POLR1D: variants seen among roughly 807,000 people sequenced by gnomAD.
POLR1D encodes DNA-directed RNA polymerases I and III subunit RPAC2.
In POLR1D, 8 loss-of-function variants were observed where a neutral mutation model predicts 10.8. The observed-to-expected ratio is 0.74, with a 90% CI of 0.43 to 1.33. The LOEUF (loss-of-function observed/expected upper bound fraction) is 1.33, where lower values mean the gene tolerates loss of function less well. Among genes scored for constraint, POLR1D ranks in the 40% most tolerant of loss-of-function variants. The probability of loss-of-function intolerance (pLI) is 0.01; values close to 1 mark genes in which losing one functional copy is unlikely to be tolerated. For missense variants in POLR1D, 152 were observed against 161.7 expected, an observed-to-expected ratio of 0.94 and a Z score of 0.32; for synonymous variants, 54 against 57.2, an observed-to-expected ratio of 0.94 and a Z score of 0.25.
intron 1 of POLR1D, among the ~76,000 whole-genome samples, chr13:27,642,291 C>G (rs1205847644): frequency 6.6e-6 from 1 of 152,130 alleles, no homozygotes; most frequent in Non-Finnish European, 1.5e-5. Flanking sequence ...TATTCCAGCT[C>G]TGCCTCATTC....
downstream of POLR1D, among the ~76,000 whole-genome samples, chr13:27,627,746 T>TC (rs1566142750): frequency 3.7e-5 from 5 of 135,306 alleles, no homozygotes; most frequent in Non-Finnish European, 8.1e-5. Flanking sequence ...TTTTTTTTTT[T>TC]TTTTGTCCCA....
intron 1 of POLR1D, chr13:27,648,081 G>A (rs1386581924): frequency 7.7e-6 from 2 of 261,166 alleles, no homozygotes; most frequent in African/African-American, 2.3e-5. Flanking sequence ...ATGTCTTTTG[G>A]TTATTCAAAT....
chr13:27,650,429 G>A (rs1293267076), intron 2 of POLR1D: 6 of 190,852 alleles, frequency 3.1e-5, no homozygotes, highest in Non-Finnish European at 6.4e-5. Flanking sequence ...TTTCCAGGTT[G>A]ACTGATACCA....
chr13:27,632,051 C>T (rs1027067224), intron 1 of POLR1D, among the ~76,000 whole-genome samples: 2 of 152,150 alleles, frequency 1.3e-5, no homozygotes, highest in African/African-American at 4.8e-5. Context: ...GGTGGTTATG[C>T]TTTATATTCT....
At chr13:27,664,890 A>G (rs1956399883) in intron 2 of POLR1D, 2 of 152,268 alleles carry the variant, frequency 1.3e-5, no homozygotes, top group Non-Finnish European at 1.5e-5. Context: ...CAAGGCTAAG[A>G]GAAATATGAA....
chr13:27,642,989 G>A (rs913342498), intron 1 of POLR1D, among the ~76,000 whole-genome samples: 1 of 152,024 alleles, frequency 6.6e-6, no homozygotes, highest in Non-Finnish European at 1.5e-5. Context: ...TCTTTTACCA[G>A]CATAAGTTCT....
chr13:27,631,435 C>T (rs2138532268), intron 1 of POLR1D, among the ~76,000 whole-genome samples: 1 of 152,228 alleles, frequency 6.6e-6, no homozygotes, highest in Middle Eastern at 3.4e-3. Context: ...AGACATGAGT[C>T]AGTAAGTCCA....
intron 1 of POLR1D, among the ~76,000 whole-genome samples, chr13:27,645,777 G>A (rs545326866): frequency 4.6e-5 from 7 of 152,192 alleles, no homozygotes; most frequent in Non-Finnish European, 7.4e-5. Context: ...TTGTTTCACC[G>A]CAGGCAGTCT....
chr13:27,650,686 A>G (rs1956261053), intron 2 of POLR1D: 1 of 152,272 alleles, frequency 6.6e-6, no homozygotes, highest in Non-Finnish European at 1.5e-5. Flanking sequence ...AAACTGTCAA[A>G]GACCAATGTA....
rs1177556935 is a variant in POLR1D at position 27,663,059 on chromosome 13, A to G, written c.102-2627A>G. On this transcript the variant is annotated intron_variant, in intron 2 of 2. Coordinates refer to the POLR1D transcript ENST00000399697. This position sits in a 1 kb window ranked among gnomAD's most constrained non-coding sequence, Gnocchi z 4.1. ...AAAATTAATTTCTACCTTAAAGGCC[A>G]GAGAAGCTCTCCCCACTGATTCCCT... is the stretch of plus-strand genomic sequence containing the variant. Among the ~76,000 whole-genome samples the G allele has an allele frequency of 6.6e-6, 1 of 152,226 alleles. No individual in the cohort carries two copies. The highest frequency in any genetic ancestry group is 2.4e-5 in the African/African-American group (1 of 41,454).
intron 1 of POLR1D, among the ~76,000 whole-genome samples, chr13:27,642,396 C>T (rs889841315): frequency 3.3e-5 from 5 of 152,130 alleles, no homozygotes; most frequent in African/African-American, 1.2e-4. Context: ...TTTGTTTGGC[C>T]ACTACAGGGG....
chr13:27,625,362 G>A (rs1011748362), downstream of POLR1D, among the ~76,000 whole-genome samples: 1 of 152,168 alleles, frequency 6.6e-6, no homozygotes, highest in African/African-American at 2.4e-5. Flanking sequence ...GCTAGTGATG[G>A]AGAAGAGAAG....
intron 2 of POLR1D, chr13:27,648,584 G>T: frequency 3.1e-6 from 2 of 639,802 alleles, no homozygotes; most frequent in Non-Finnish European, 5.7e-6. Context: ...AGAGACAAGT[G>T]TAGAGTAAGA....
At chr13:27,634,941 C>G (rs1187001794) in intron 1 of POLR1D, among the ~76,000 whole-genome samples, 1 of 152,090 alleles carries the variant, frequency 6.6e-6, no homozygotes, top group African/African-American at 2.4e-5. Context: ...TCTCAAAGTG[C>G]TGGGATTAGT....
At chr13:27,621,785 G>T (rs1190421013), upstream of POLR1D, 9 of 436,392 alleles carry the variant, frequency 2.1e-5, no homozygotes, top group Non-Finnish European at 3.2e-5. Flanking sequence ...CCGCGTCGGG[G>T]CGGGGGCTGG....
intron 1 of POLR1D, among the ~76,000 whole-genome samples, chr13:27,647,356 T>G (rs1464804122): frequency 6.6e-6 from 1 of 152,062 alleles, no homozygotes; most frequent in Non-Finnish European, 1.5e-5. Context: ...TCTTACTGTT[T>G]TGATAACATC....
At chr13:27,667,362 A>C (rs534587949) in exon 3 of POLR1D, 7 of 152,326 alleles carry the variant, frequency 4.6e-5, no homozygotes, top group African/African-American at 1.7e-4. Flanking sequence ...AAAGTCATGG[A>C]GTTTTTAAAA....
At chr13:27,660,548 C>T (rs1956353791) in intron 2 of POLR1D, among the ~76,000 whole-genome samples, 1 of 152,222 alleles carries the variant, frequency 6.6e-6, no homozygotes, top group South Asian at 2.1e-4. Flanking sequence ...CCACCTTTGT[C>T]CTTGGCTGTG....
At chr13:27,657,070 C>T (rs1307593823) in intron 2 of POLR1D, among the ~76,000 whole-genome samples, 1 of 152,166 alleles carries the variant, frequency 6.6e-6, no homozygotes, top group East Asian at 1.9e-4. Context: ...GAAGTTAGGC[C>T]TCCTAACAGT....
Sources: allele counts gnomAD v4.1 joint callset (sites outside exome capture counted in the v4.1 genomes callset), GRCh38; gene constraint gnomAD v4.1.1; non-coding constraint Gnocchi (gnomAD v3.1); transcripts MANE v1.5; gene names NCBI Gene and HGNC (gene_info 2026-07-23, HGNC 2026-07-21).